The following PCDH9 variants were observed in gnomAD, a reference collection of about 807,000 sequenced individuals.
The protein encoded by PCDH9 is protocadherin-9.
Under a neutral mutation model 70.6 loss-of-function variants are expected in PCDH9, and 24 were observed. The ratio of observed to expected loss-of-function variants is 0.34; its 90% CI spans 0.25 to 0.48. The LOEUF (loss-of-function observed/expected upper bound fraction) is 0.48. PCDH9 is among the 20% of genes least tolerant of loss of function. The probability of loss-of-function intolerance (pLI) is 0.99; values close to 1 mark genes in which losing one functional copy is unlikely to be tolerated. For synonymous variants in PCDH9, 562 were observed against 558.5 expected, an observed-to-expected ratio of 1.01 and a Z score of -0.09; for missense variants, 1,281 against 1,503.6, an observed-to-expected ratio of 0.85 and a Z score of 2.45.
intron 4 of PCDH9, among the ~76,000 whole-genome samples, chr13:66,401,121 T>G (rs995409667): frequency 2.0e-5 from 3 of 152,180 alleles, no homozygotes; most frequent in Non-Finnish European, 4.4e-5. Context: ...GGTTTAATCT[T>G]AGCACTATTT....
intron 2 of PCDH9, among the ~76,000 whole-genome samples, chr13:67,020,393 T>G (rs191001150): frequency 6.6e-5 from 10 of 152,198 alleles, no homozygotes; most frequent in African/African-American, 2.4e-4. Context: ...ACTGTTCAAG[T>G]AAAGCTTTAT....
At chr13:66,935,020 G>C (rs951697984) in intron 2 of PCDH9, among the ~76,000 whole-genome samples, 4 of 151,710 alleles carry the variant, frequency 2.6e-5, no homozygotes, top group Non-Finnish European at 5.9e-5. Context: ...GCGCCCGGCC[G>C]TGTTTGCATT....
At chr13:67,130,506 A>C (rs1254462387) in intron 2 of PCDH9, among the ~76,000 whole-genome samples, 1 of 151,076 alleles carries the variant, frequency 6.6e-6, no homozygotes, top group African/African-American at 2.4e-5. Flanking sequence ...GATCTCGGTC[A>C]AAGTGAAACA....
At chr13:66,378,219 T>G (rs1956784405) in intron 4 of PCDH9, among the ~76,000 whole-genome samples, 1 of 152,202 alleles carries the variant, frequency 6.6e-6, no homozygotes, top group African/African-American at 2.4e-5. Context: ...TGAACTGTGC[T>G]GGAATTATTT....
intron 4 of PCDH9, among the ~76,000 whole-genome samples, chr13:66,326,777 C>A (rs112440487): frequency 1.9e-3 from 294 of 152,134 alleles, no homozygotes; most frequent in African/African-American, 6.6e-3. Flanking sequence ...CCAAAGACAT[C>A]TTGAAATTTT....
intron 2 of PCDH9, among the ~76,000 whole-genome samples, chr13:66,954,218 G>C (rs1040034054): frequency 1.3e-5 from 2 of 152,022 alleles, no homozygotes; most frequent in African/African-American, 4.8e-5. Context: ...TACTTATAAT[G>C]CTCTCTCTTT....
At chr13:66,839,040 CA>C (rs1173206417) in intron 3 of PCDH9, among the ~76,000 whole-genome samples, 1 of 151,724 alleles carries the variant, frequency 6.6e-6, no homozygotes, top group African/African-American at 2.4e-5. Context: ...TTTCCTAATA[CA>C]TTTTGTATAA....
intron 4 of PCDH9, among the ~76,000 whole-genome samples, chr13:66,365,360 CT>C (rs1197497042): frequency 1.3e-5 from 2 of 152,168 alleles, no homozygotes; most frequent in Non-Finnish European, 2.9e-5. Context: ...AGTTGGTTCT[CT>C]CCTTCAGACA....
intron 2 of PCDH9, among the ~76,000 whole-genome samples, chr13:67,113,058 T>C (rs2138275823): frequency 6.6e-6 from 1 of 152,328 alleles, no homozygotes; most frequent in East Asian, 1.9e-4. Context: ...CCAATCTCAG[T>C]ATAATATTTG....
chr13:67,007,253 C>T (rs990466790), intron 2 of PCDH9, among the ~76,000 whole-genome samples: 12 of 151,672 alleles, frequency 7.9e-5, no homozygotes, highest in African/African-American at 2.9e-4. Flanking sequence ...GAATATTGTA[C>T]AGCCACCAAA....
intron 4 of PCDH9, among the ~76,000 whole-genome samples, chr13:66,593,215 A>G (rs920243522): frequency 6.6e-6 from 1 of 151,754 alleles, no homozygotes; most frequent in African/African-American, 2.4e-5. Context: ...TGCCTGATTG[A>G]AGAACATCTT....
intron 3 of PCDH9, among the ~76,000 whole-genome samples, chr13:66,865,729 C>T (rs899373783): frequency 1.3e-5 from 2 of 152,216 alleles, no homozygotes; most frequent in Non-Finnish European, 2.9e-5. Context: ...AAGCCTCATT[C>T]CAGTGTGGTA....
At chr13:66,688,960 A>G (rs1462787437) in intron 3 of PCDH9, among the ~76,000 whole-genome samples, 3 of 152,168 alleles carry the variant, frequency 2.0e-5, no homozygotes, top group Non-Finnish European at 4.4e-5. Flanking sequence ...GTAGCTGTGT[A>G]GGAAAAATCT....
chr13:66,619,244 A>C (rs777491952), intron 4 of PCDH9, among the ~76,000 whole-genome samples: 5 of 152,156 alleles, frequency 3.3e-5, no homozygotes, highest in Non-Finnish European at 7.4e-5. Context: ...AATTCCTTTA[A>C]AATCATAAAG....
chr13:67,060,207 G>A (rs1345202532), intron 2 of PCDH9, among the ~76,000 whole-genome samples: 1 of 152,006 alleles, frequency 6.6e-6, no homozygotes, highest in African/African-American at 2.4e-5. Flanking sequence ...CACTCAATAG[G>A]AGCAAAAGAG....
At chr13:66,772,358 A>G (rs995947767) in intron 3 of PCDH9, among the ~76,000 whole-genome samples, 1 of 152,222 alleles carries the variant, frequency 6.6e-6, no homozygotes, top group African/African-American at 2.4e-5. Flanking sequence ...ACATCTCATT[A>G]TCATGCCACA....
At position 66,497,814 on chromosome 13, in the gene PCDH9, C is replaced by CTTTTTTTTTT. The variant is rs763360211; in HGVS notation, c.3340+133386_3340+133395dup. 7.2e-5 allele frequency among the ~76,000 whole-genome samples: 8 copies of CTTTTTTTTTT among 111,320 alleles called. No individual in the cohort carries two copies. In the East Asian group the frequency reaches 1.7e-3, roughly 24 times the overall value. The allele number at this position is 111,320 out of a possible 152,430, so 73.0% of individuals were successfully genotyped here. A position where few individuals can be genotyped will look rare whatever the true frequency, so the allele number is the denominator to read the frequency against. ...AGAAAAAGTGCTATACACACTCTTA[C>CTTTTTTTTTT]TTTTTTTTTTTTTTTTTTTTTTGAG... On this transcript the variant is annotated intron_variant, in intron 4 of 4. Coordinates refer to ENST00000377865, the MANE Select transcript of PCDH9 (RefSeq NM_203487.3).
At chr13:66,561,064 G>A (rs1216007372) in intron 4 of PCDH9, among the ~76,000 whole-genome samples, 2 of 152,224 alleles carry the variant, frequency 1.3e-5, no homozygotes, top group East Asian at 1.9e-4. Flanking sequence ...GAGATGTGGA[G>A]GGAGAAGCGC....
intron 4 of PCDH9, among the ~76,000 whole-genome samples, chr13:66,315,135 G>A (rs1188236164): frequency 6.6e-6 from 1 of 152,170 alleles, no homozygotes; most frequent in Non-Finnish European, 1.5e-5. Flanking sequence ...CCCCCACTGG[G>A]CAGCTCGCAC....
Sources: allele counts gnomAD v4.1 joint callset (sites outside exome capture counted in the v4.1 genomes callset), GRCh38; gene constraint gnomAD v4.1.1; transcripts MANE v1.5; gene names NCBI Gene and HGNC (gene_info 2026-07-23, HGNC 2026-07-21).